FAM53A: variants seen among roughly 807,000 people sequenced by gnomAD.
FAM53A encodes protein FAM53A.
Under a neutral mutation model 26.6 loss-of-function variants are expected in FAM53A, and 28 were observed. That is an observed-to-expected ratio of 1.05 (90% CI 0.78 to 1.45). The LOEUF (loss-of-function observed/expected upper bound fraction) is 1.45. Among genes scored for constraint, FAM53A ranks in the 40% most tolerant of loss-of-function variants. FAM53A has a pLI of 0.00. For missense variants in FAM53A, 650 were observed against 575.8 expected (o/e 1.13, Z -1.32); for synonymous variants, 290 against 253.1 (o/e 1.15, Z -1.38).
In FAM53A at chr4:1,630,107, C is replaced by G. The variant is rs959374434; in HGVS notation, c.432-11996G>C. On this transcript the variant is annotated intron_variant, in intron 1 of 1. Transcript: ENST00000489029. This position sits in a 1 kb window ranked among gnomAD's most constrained non-coding sequence, Gnocchi z 4.3. ...ACACCTCACCCGGCTGCCTGCCTGC[C>G]AGGTGTGGTGAGGGTATGAGTCCTG... Among the ~76,000 whole-genome samples, 6 of 152,234 alleles carry G rather than the reference C, an allele frequency of 3.9e-5. No homozygotes were observed. Among genetic ancestry groups the G allele is most frequent in the African/African-American group, 1.2e-4 (5 of 41,462 alleles).
At chr4:1,654,904 C>A in intron 4 of FAM53A, 74 bp downstream of exon 4, 1 of 1,447,400 alleles carries the variant, frequency 6.9e-7, no homozygotes, top group Non-Finnish European at 9.1e-7. Context: ...TCCAGAGAAT[C>A]AGCCAGCCTC....
intron 1 of FAM53A, among the ~76,000 whole-genome samples, chr4:1,674,936 G>T (rs1447805231): frequency 6.6e-6 from 1 of 152,214 alleles, no homozygotes; most frequent in African/African-American, 2.4e-5. Flanking sequence ...GGAAGGAGCA[G>T]TTCAGGACCA....
At chr4:1,586,267 C>T in the FAM53A span, among the ~76,000 whole-genome samples, 1 of 151,828 alleles carries the variant, frequency 6.6e-6, no homozygotes, top group East Asian at 1.9e-4. Context: ...GATCTCGGCT[C>T]ACCACAATCT....
chr4:1,644,544 C>A (rs942940561), intron 4 of FAM53A: 6 of 615,808 alleles, frequency 9.7e-6, no homozygotes, highest in South Asian at 6.0e-5. Flanking sequence ...GCCTGGACTG[C>A]GCCACCCATC....
At chr4:1,656,674 G>C (rs1713410352) in intron 3 of FAM53A, among the ~76,000 whole-genome samples, 1 of 152,156 alleles carries the variant, frequency 6.6e-6, no homozygotes, top group Non-Finnish European at 1.5e-5. Flanking sequence ...CCCGGCAGGG[G>C]GTGGGGCTCT....
intron 4 of FAM53A, among the ~76,000 whole-genome samples, chr4:1,651,272 C>T (rs1043918061): frequency 1.3e-5 from 2 of 151,166 alleles, no homozygotes; most frequent in Non-Finnish European, 2.9e-5. Flanking sequence ...TGGCTCACAT[C>T]TGTAATCCCA....
At position 1,640,752 on chromosome 4, in the gene FAM53A, C is replaced by T. The variant is rs1223811123; in HGVS notation, c.*541G>A. 3 of 375,136 alleles carry T rather than the reference C, an allele frequency of 8.0e-6. No homozygotes were observed. Among genetic ancestry groups the T allele is most frequent in the African/African-American group, 7.4e-5 (3 of 40,642 alleles). 23.2% of individuals were successfully genotyped at this position (375,136 alleles called of 1,614,324 possible). On this transcript the variant is annotated 3_prime_UTR_variant, in exon 5 of 5. Transcript: ENST00000308132. ...AACTCACAGGAAACCTACTCTGTGC[C>T]CCAGGGCAGGTGCCGGTGGCAGCCA...
chr4:1,658,144 G>A (rs1163086504), intron 2 of FAM53A, among the ~76,000 whole-genome samples: 8 of 151,638 alleles, frequency 5.3e-5, no homozygotes. Context: ...CCGAGTAGCT[G>A]GGACTACAGA....
Position 1,676,358 on chromosome 4 carries a change from G to C in FAM53A, c.-164-7453C>G, listed in dbSNP as rs143494340. On this transcript the variant is annotated intron_variant, in intron 1 of 4. Transcript: ENST00000308132. Reference sequence around the variant, plus strand: ...AAGGATATCAGTCATTTTGGGGCAGGACCCACCATGCTCCAGTGTGACCCC... The same window carrying C: ...AAGGATATCAGTCATTTTGGGGCAGCACCCACCATGCTCCAGTGTGACCCC... 2.1e-3 allele frequency among the ~76,000 whole-genome samples: 327 copies of C among 152,246 alleles called. 7 individuals are homozygous for C. In the East Asian group the frequency reaches 0.051, roughly 24 times the overall value.
chr4:1,616,123 C>T (rs371184150), downstream of FAM53A, among the ~76,000 whole-genome samples: 98 of 152,260 alleles, frequency 6.4e-4, no homozygotes, highest in South Asian at 8.8e-3. Flanking sequence ...ACCGGCAAGA[C>T]GAAGGGGTGG....
the FAM53A span, among the ~76,000 whole-genome samples, chr4:1,587,403 G>A: frequency 6.6e-6 from 1 of 152,144 alleles, no homozygotes; most frequent in Non-Finnish European, 1.5e-5. Flanking sequence ...CGGGCACAGT[G>A]GTTTACGTCT....
chr4:1,581,702 TCTC>T, the FAM53A span, among the ~76,000 whole-genome samples: 1 of 152,098 alleles, frequency 6.6e-6, no homozygotes, highest in African/African-American at 2.4e-5. Context: ...TTCAAGCAAT[TCTC>T]CTGCCCAGGC....
the FAM53A span, among the ~76,000 whole-genome samples, chr4:1,578,998 C>A: frequency 6.6e-6 from 1 of 151,144 alleles, no homozygotes; most frequent in Non-Finnish European, 1.5e-5. Context: ...CTGCGACACC[C>A]CTAGGCCCCC....
At chr4:1,603,948 C>G in the FAM53A span, among the ~76,000 whole-genome samples, 1 of 152,160 alleles carries the variant, frequency 6.6e-6, no homozygotes, top group African/African-American at 2.4e-5. Flanking sequence ...CTTGGGCCAG[C>G]CAGGTAGGAG....
intron 1 of FAM53A, among the ~76,000 whole-genome samples, chr4:1,620,825 G>A (rs1714995173): frequency 6.6e-6 from 1 of 152,092 alleles, no homozygotes; most frequent in South Asian, 2.1e-4. Context: ...CATCAACACG[G>A]TAGCAGCAAC....
chr4:1,604,278 C>T, the FAM53A span, among the ~76,000 whole-genome samples: 3 of 152,202 alleles, frequency 2.0e-5, no homozygotes, highest in Non-Finnish European at 2.9e-5. Flanking sequence ...TCAGACCCCA[C>T]GTGTGCAGCG....
At chr4:1,598,102 C>T in the FAM53A span, among the ~76,000 whole-genome samples, 3 of 152,232 alleles carry the variant, frequency 2.0e-5, no homozygotes, top group African/African-American at 4.8e-5. Context: ...CAGGCCCAGC[C>T]GAAGGCCACT....
At chr4:1,583,690 C>A in the FAM53A span, among the ~76,000 whole-genome samples, 1 of 152,244 alleles carries the variant, frequency 6.6e-6, no homozygotes, top group Non-Finnish European at 1.5e-5. Flanking sequence ...ACCTGTCCCT[C>A]CTCCCGGGGC....
At chr4:1,660,880 CAA>C (rs748357968) in intron 2 of FAM53A, among the ~76,000 whole-genome samples, 1 of 137,066 alleles carries the variant, frequency 7.3e-6, no homozygotes, top group Admixed American at 7.3e-5. Flanking sequence ...GACTCCATCT[CAA>C]AAAAAAAAAA....
Sources: gnomAD v4.1 joint callset for allele counts (sites outside exome capture counted in the v4.1 genomes callset) on GRCh38, gnomAD v4.1.1 for gene constraint, Gnocchi (gnomAD v3.1) non-coding constraint, MANE v1.5 for transcripts, NCBI Gene and HGNC (gene_info 2026-07-23, HGNC 2026-07-21) for gene names.